The following CLCC1 variants were observed in gnomAD, a reference collection of about 807,000 sequenced individuals.
CLCC1 encodes chloride channel CLIC-like protein 1.
CLCC1 carries 39 observed loss-of-function variants against 63.3 expected under a neutral mutation model. That is an observed-to-expected ratio of 0.62 (90% CI 0.48 to 0.81). The LOEUF is 0.81. Ranked by LOEUF, CLCC1 falls within the 30% of genes least tolerant of loss-of-function variation. The probability of loss-of-function intolerance (pLI) is 0.00; values close to 1 mark genes in which losing one functional copy is unlikely to be tolerated. For missense variants in CLCC1, 549 were observed against 669.4 expected (o/e 0.82, Z 1.98); for synonymous variants, 217 against 239.8 (o/e 0.90, Z 0.88).
At position 108,944,014 on chromosome 1, in the gene CLCC1, A is replaced by G. The variant is rs776675740; in HGVS notation, c.383T>C (p.Ile128Thr). 1.2e-6 allele frequency: 2 copies of G among 1,613,054 alleles called. No homozygotes were observed. Among genetic ancestry groups the G allele is most frequent in the South Asian group, 2.2e-5 (2 of 90,656 alleles). ...TTCTAACAAAGTTTCTCTTTTAAGG[A>G]TAATCTCAGCATCATAATGCATATC... ...KGDMHYDAEI[I>T]LKRETLLEIQ... The change falls in exon 6 of 13, where the codon ATC (isoleucine) becomes ACC (threonine). Residue 128 changes from isoleucine to threonine, a missense_variant. Transcript: ENST00000369969.
intron 2 of CLCC1, among the ~76,000 whole-genome samples, chr1:108,952,097 G>T (rs547502690): frequency 6.6e-6 from 1 of 150,866 alleles, no homozygotes; most frequent in Non-Finnish European, 1.5e-5. Flanking sequence ...ACTTTAAATG[G>T]GTGGATTATA....
chr1:108,937,798 T>C (rs1653238192), intron 10 of CLCC1, among the ~76,000 whole-genome samples: 3 of 152,268 alleles, frequency 2.0e-5, no homozygotes, highest in South Asian at 2.1e-4. Context: ...TATATCATTA[T>C]GTAAACAATC....
Position 108,943,847 on chromosome 1 carries a change from T to A in CLCC1, c.550A>T (p.Asn184Tyr), listed in dbSNP as rs1173349541. The A allele has an allele frequency of 6.2e-7, 1 of 1,611,592 alleles. No individual in the cohort carries two copies. Among genetic ancestry groups the A allele is most frequent in the Non-Finnish European group, 8.5e-7 (1 of 1,178,098 alleles). Residue 184 changes from asparagine (N) to tyrosine (Y), a missense_variant, in exon 6 of 13, where the codon AAT becomes TAT. Physicochemically the swap from Asn to Tyr is moderately radical, Grantham distance 143. Transcript: ENST00000369969. ...FEDSFGVDPY[N>Y]VLMVLLCLLC... ...TCATCCCATCTTACCATTAACACAT[T>A]ATATGGATCCACTCCAAAGGAATCT...
chr1:108,937,079 T>G lies in CLCC1; in HGVS notation c.1381A>C (p.Ser461Arg). The change falls in exon 11 of 13, where the codon AGT becomes CGT. Residue 461 changes from serine to arginine, a missense_variant and splice_region_variant. Transcript: ENST00000369969. ...EAREHPTVVP[S>R]HKSPVLDTKP... ...GAATAAAAGAGTTGCTGACTTACAC[T>G]GGGTACCACCGTGGGATGCTCTCGT... The G allele has an allele frequency of 6.7e-7, 1 of 1,490,302 alleles. No individual in the cohort carries two copies. The highest frequency in any genetic ancestry group is 8.9e-7 in the Non-Finnish European group (1 of 1,120,044). 92.3% of individuals were successfully genotyped at this position (1,490,302 alleles called of 1,614,324 possible). A position where few individuals can be genotyped will look rare whatever the true frequency, so the allele number is the denominator to read the frequency against.
rs1651767427 is a variant in CLCC1, at chr1:108,930,536, T to G, written c.*2011A>C. 6.6e-6 allele frequency: 1 copy of G among 152,472 alleles called. No individual in the cohort carries two copies. The highest frequency in any genetic ancestry group is 6.6e-5 in the Admixed American group (1 of 15,242). 9.4% of individuals were successfully genotyped at this position (152,472 alleles called of 1,614,324 possible). ...ACATTGGGAGGCTGAGGCAGGAGGA[T>G]CGCTTGAGGCTAGGAGTTCAAGACC... On this transcript the variant is annotated 3_prime_UTR_variant, in exon 13 of 13. Transcript: ENST00000369969.
In CLCC1 at chr1:108,952,816, G is replaced by A. The variant is rs1245283101; in HGVS notation, c.-11-2368C>T. On this transcript the variant is annotated intron_variant, in intron 2 of 12. Transcript: ENST00000369969. ...CTCTGCCTTTAAAAAAAAAAAAAAAGAAAGAAAGGTGGGAATTTACGATTC... is the reference window on the plus strand; with the variant it reads ...CTCTGCCTTTAAAAAAAAAAAAAAAAAAAGAAAGGTGGGAATTTACGATTC... 5.2e-3 allele frequency among the ~76,000 whole-genome samples: 772 copies of A among 148,292 alleles called. 10 individuals are homozygous for A. Among genetic ancestry groups the A allele is most frequent in the African/African-American group, 0.018 (715 of 40,482 alleles).
chr1:108,950,047 A>G, intron 3 of CLCC1, 126 bp from the exon 4 acceptor site: 1 of 685,630 alleles, frequency 1.5e-6, no homozygotes, highest in Non-Finnish European at 2.4e-6. Flanking sequence ...CTTAAATTGT[A>G]CTGAACCACA....
intron 2 of CLCC1, among the ~76,000 whole-genome samples, chr1:108,961,216 AG>A (rs1432949854): frequency 6.6e-6 from 1 of 151,700 alleles, no homozygotes; most frequent in African/African-American, 2.4e-5. Context: ...GAACTCCTTG[AG>A]AAATCCTAAA....
rs778267768 is a variant in CLCC1, at chr1:108,937,133, G to A, written c.1327C>T (p.Arg443Trp). The change falls in exon 11 of 13, where the codon CGG becomes TGG. Residue 443 changes from arginine to tryptophan, a missense_variant. Physicochemically the swap from Arg to Trp is moderately radical, Grantham distance 101. Transcript: ENST00000369969. Reference protein sequence around the residue: ...QTGNKSPEVLRAFDVPDAEAR... With the variant: ...QTGNKSPEVLWAFDVPDAEAR... ...TCTGCGTCTGGTACATCAAATGCCC[G>A]GAGCACTTCAGGGCTCTTGTTGCCA... 1.0e-4 allele frequency: 158 copies of A among 1,541,234 alleles called. No homozygotes were observed. Among genetic ancestry groups the A allele is most frequent in the South Asian group, 5.5e-4 (43 of 78,158 alleles).
At position 108,947,720 on chromosome 1, in the gene CLCC1, T is replaced by C. The variant is rs767763698; in HGVS notation, c.232-2A>G. ...CTTTTTCTTTTCACACTCATCAATC[T>C]GTAACCATAAAATCAATTCAACATT... On this transcript the variant is annotated splice_acceptor_variant, in intron 4 of 12. Transcript: ENST00000369969. LOFTEE classifies it high-confidence loss of function. 3.2e-6 allele frequency: 5 copies of C among 1,586,232 alleles called. No individual in the cohort carries two copies. The highest frequency in any genetic ancestry group is 4.3e-6 in the Non-Finnish European group (5 of 1,159,044).
At chr1:108,957,868 T>G (rs1342002343) in intron 2 of CLCC1, among the ~76,000 whole-genome samples, 1 of 151,302 alleles carries the variant, frequency 6.6e-6, no homozygotes, top group Non-Finnish European at 1.5e-5. Context: ...ATGATCTGGG[T>G]AAGATCACCA....
At chr1:108,937,472 G>C in intron 10 of CLCC1, 54 bp from the exon 11 acceptor site, 2 of 1,380,998 alleles carry the variant, frequency 1.4e-6, no homozygotes, top group Non-Finnish European at 2.0e-6. Context: ...ACTTACAAAA[G>C]TTATGAGGCA....
Position 108,931,455 on chromosome 1 carries a change from T to C in CLCC1, c.*1092A>G. The C allele has an allele frequency of 6.4e-7, 1 of 1,550,858 alleles. No homozygotes were observed. On this transcript the variant is annotated 3_prime_UTR_variant, in exon 13 of 13. Transcript: ENST00000369969. ...ACGCTTGGAACAAGTTGCCAACTTG[T>C]TTCACTCTGCTTGCTTCAGACTGTG...
chr1:108,951,171 G>A (rs768331277), intron 2 of CLCC1, among the ~76,000 whole-genome samples: 1 of 152,124 alleles, frequency 6.6e-6, no homozygotes, highest in Admixed American at 6.5e-5. Context: ...CTTTGGGTAG[G>A]TGGATCACTT....
chr1:108,959,991 G>T (rs903774780), intron 2 of CLCC1, among the ~76,000 whole-genome samples: 1 of 152,058 alleles, frequency 6.6e-6, no homozygotes, highest in African/African-American at 2.4e-5. Context: ...AATTTAGCTG[G>T]GTGTGGTGGC....
intron 2 of CLCC1, among the ~76,000 whole-genome samples, chr1:108,952,032 C>G (rs938910403): frequency 1.3e-5 from 2 of 152,148 alleles, no homozygotes; most frequent in African/African-American, 4.8e-5. Flanking sequence ...CCCACCTCGG[C>G]CTCCCAAAGT....
Position 108,931,704 on chromosome 1 carries a change from G to C in CLCC1, c.*843C>G. 6.0e-6 allele frequency: 3 copies of C among 495,872 alleles called. No homozygotes were observed. The highest frequency in any genetic ancestry group is 9.1e-6 in the Non-Finnish European group (3 of 330,600). The allele number at this position is 495,872 out of a possible 1,614,324, so 30.7% of individuals were successfully genotyped here. On this transcript the variant is annotated 3_prime_UTR_variant, in exon 13 of 13. Coordinates refer to ENST00000369969, the MANE Select transcript of CLCC1 (RefSeq NM_001377458.1). ...TGTATACTATAAGGTATGATGTCCT[G>C]GATAGCATTTTAAAAACTCAGGTAA...
chr1:108,958,568 G>A (rs781154136), intron 2 of CLCC1, among the ~76,000 whole-genome samples: 3 of 151,604 alleles, frequency 2.0e-5, no homozygotes, highest in Non-Finnish European at 4.4e-5. Context: ...TCCTTTAAGT[G>A]AAAAAGTGAA....
intron 5 of CLCC1, 83 bp downstream of exon 5, chr1:108,947,528 T>C (rs1654694601): frequency 2.5e-6 from 2 of 813,656 alleles, no homozygotes; most frequent in East Asian, 2.8e-5. Context: ...AGCATCATGA[T>C]GCTTTCACTT....
Sources: gnomAD v4.1 joint callset for allele counts (sites outside exome capture counted in the v4.1 genomes callset) on GRCh38, gnomAD v4.1.1 for gene constraint, MANE v1.5 for transcripts, NCBI Gene and HGNC (gene_info 2026-07-23, HGNC 2026-07-21) for gene names.